OR7C1: variants seen among roughly 807,000 people sequenced by gnomAD.
OR7C1 encodes the protein olfactory receptor family 7 subfamily C member 1, also known as olfactory receptor 7C1.
For missense variants in OR7C1, 324 were observed against 383.3 expected (o/e 0.85, Z 1.29); for synonymous variants, 152 against 160.7 (o/e 0.95, Z 0.41).
At chr19:14,827,888 C>T (rs1466687569) in intron 1 of OR7C1, 8 of 1,613,982 alleles carry the variant, frequency 5.0e-6, no homozygotes, top group Non-Finnish European at 6.8e-6. Flanking sequence ...GGTCATAGGC[C>T]ATCACGGACA....
At chr19:14,799,441 C>G (rs200612397) in exon 5 of OR7C1, 9 of 1,614,026 alleles carry the variant, frequency 5.6e-6, no homozygotes, top group Non-Finnish European at 7.6e-6. Flanking sequence ...TGTGCTTTCT[C>G]CCAGCTGAGG....
At chr19:14,803,307 CA>C (rs553496845) in intron 2 of OR7C1, among the ~76,000 whole-genome samples, 348 of 83,574 alleles carry the variant, frequency 4.2e-3, no homozygotes, top group Non-Finnish European at 5.9e-3. Flanking sequence ...ACTATGTCTC[CA>C]AAAAAAAAAA....
intron 2 of OR7C1, among the ~76,000 whole-genome samples, chr19:14,807,298 C>G (rs2044670344): frequency 6.6e-6 from 1 of 151,810 alleles, no homozygotes; most frequent in Non-Finnish European, 1.5e-5. Context: ...GATTGCCTAC[C>G]CAATATATCC....
chr19:14,803,634 G>C (rs1761916198), intron 2 of OR7C1, among the ~76,000 whole-genome samples: 1 of 151,802 alleles, frequency 6.6e-6, no homozygotes, highest in Admixed American at 6.6e-5. Flanking sequence ...AATTATTTGG[G>C]GGCTGCTTTT....
chr19:14,818,340 C>T (rs974892644), intron 1 of OR7C1, among the ~76,000 whole-genome samples: 2 of 152,012 alleles, frequency 1.3e-5, no homozygotes, highest in South Asian at 4.1e-4. Context: ...GTGATCCGCC[C>T]GTCTCTGCCT....
rs562413925 is a variant in OR7C1 at position 14,813,550 on chromosome 19, G to A, written c.-622-3557C>T. 9.9e-5 allele frequency among the ~76,000 whole-genome samples: 15 copies of A among 151,852 alleles called. No homozygotes were observed. In the South Asian group the frequency reaches 2.3e-3, roughly 23 times the overall value. ...AGCCCCAGCGACAGAGTGAGACTCCGTATCAAAAAAAAGATACTACCCGAT... is the reference window on the plus strand; with the variant it reads ...AGCCCCAGCGACAGAGTGAGACTCCATATCAAAAAAAAGATACTACCCGAT... On this transcript the variant is annotated intron_variant, in intron 1 of 4. Transcript: ENST00000641666.
At chr19:14,802,094 C>T (rs1250417369) in intron 2 of OR7C1, among the ~76,000 whole-genome samples, 3 of 152,250 alleles carry the variant, frequency 2.0e-5, no homozygotes, top group Non-Finnish European at 4.4e-5. Context: ...CCAGGTTGGA[C>T]AGCTTTGTGG....
chr19:14,829,551 G>A (rs2044810765), intron 1 of OR7C1, among the ~76,000 whole-genome samples: 2 of 152,156 alleles, frequency 1.3e-5, no homozygotes, highest in Admixed American at 1.3e-4. Flanking sequence ...AGCCAGTGTG[G>A]CCAGGGAATC....
chr19:14,813,856 A>G (rs2044704005), intron 1 of OR7C1, among the ~76,000 whole-genome samples: 2 of 152,090 alleles, frequency 1.3e-5, no homozygotes, highest in Non-Finnish European at 2.9e-5. Flanking sequence ...GGGGATTACA[A>G]TTTGAGATGA....
Position 14,806,619 on chromosome 19 carries a change from G to A in OR7C1, c.-435+3187C>T, listed in dbSNP as rs535028216. 6.0e-4 allele frequency among the ~76,000 whole-genome samples: 92 copies of A among 152,082 alleles called. 2 individuals carry two copies. The highest frequency in any genetic ancestry group is 6.8e-3 in the Middle Eastern group (2 of 294). On this transcript the variant is annotated intron_variant, in intron 2 of 4. Coordinates refer to ENST00000641666, the Ensembl canonical transcript of OR7C1. ...CTCATTGTTCAGATCCCACTTATGA[G>A]TGAGAACATGAGGTGTTTGGTTTTC...
chr19:14,830,959 C>T (rs529237178), intron 1 of OR7C1, among the ~76,000 whole-genome samples: 6 of 152,336 alleles, frequency 3.9e-5, no homozygotes, highest in Non-Finnish European at 7.3e-5. Flanking sequence ...AAGCCCTCTT[C>T]AGCTCGCAGC....
exon 5 of OR7C1, chr19:14,799,372 G>A (rs1599910128): frequency 6.2e-7 from 1 of 1,614,118 alleles, no homozygotes; most frequent in Non-Finnish European, 8.5e-7. Context: ...AGACCCCAAA[G>A]CCCGTGCCAT....
At chr19:14,811,358 G>A (rs546005279) in intron 1 of OR7C1, among the ~76,000 whole-genome samples, 26 of 151,882 alleles carry the variant, frequency 1.7e-4, no homozygotes, top group African/African-American at 3.9e-4. Flanking sequence ...TTGCAGCTGC[G>A]TCATTTCAAT....
chr19:14,827,275 C>T, intron 1 of OR7C1: 1 of 1,534,998 alleles, frequency 6.5e-7, no homozygotes, highest in Non-Finnish European at 8.7e-7. Flanking sequence ...AGCTTAGAGC[C>T]CTGCAATCAT....
intron 1 of OR7C1, chr19:14,826,475 C>G (rs754823044): frequency 2.0e-5 from 3 of 152,104 alleles, no homozygotes; most frequent in Admixed American, 6.5e-5. Context: ...ACATTATAGA[C>G]CATGGCACCA....
chr19:14,816,286 C>T (rs1405294887), intron 1 of OR7C1, among the ~76,000 whole-genome samples: 2 of 152,116 alleles, frequency 1.3e-5, no homozygotes, highest in Non-Finnish European at 2.9e-5. Context: ...CTGAAGGATG[C>T]AAAGTATTGA....
At chr19:14,821,400 T>G (rs1179732445) in intron 1 of OR7C1, 2 of 152,218 alleles carry the variant, frequency 1.3e-5, no homozygotes, top group Non-Finnish European at 2.9e-5. Context: ...GGAGATAATG[T>G]CAGTTCTACG....
chr19:14,799,357 G>C (rs2044627033), exon 5 of OR7C1: 1 of 1,614,064 alleles, frequency 6.2e-7, no homozygotes, highest in East Asian at 2.2e-5. Flanking sequence ...CTGCAGAACT[G>C]AGATAGACCC....
chr19:14,828,227 A>G (rs1196978992), intron 1 of OR7C1: 1 of 1,610,988 alleles, frequency 6.2e-7, no homozygotes, highest in Admixed American at 1.7e-5. Context: ...TTTGTGTATC[A>G]TTTCCTGGTT....
Sources: gnomAD v4.1 joint callset for allele counts (sites outside exome capture counted in the v4.1 genomes callset) on GRCh38, gnomAD v4.1.1 for gene constraint, MANE v1.5 for transcripts, NCBI Gene and HGNC (gene_info 2026-07-23, HGNC 2026-07-21) for gene names.